ZNF596: variants seen among roughly 807,000 people sequenced by gnomAD.
The protein encoded by ZNF596 is zinc finger protein 596.
Under a neutral mutation model 48.3 loss-of-function variants are expected in ZNF596, and 45 were observed. The observed-to-expected ratio is 0.93, with a 90% CI of 0.73 to 1.19. ZNF596 has a LOEUF of 1.19. Among genes scored for constraint, ZNF596 ranks in the 50% most tolerant of loss-of-function variants. The pLI is 0.00. For missense variants in ZNF596, 848 were observed against 599.7 expected, an observed-to-expected ratio of 1.41 and a Z score of -4.32; for synonymous variants, 270 against 202.0, an observed-to-expected ratio of 1.34 and a Z score of -2.85.
chr8:243,143 G>C (rs1374984792), intron 3 of ZNF596, 130 bp downstream of exon 3: 3 of 766,430 alleles, frequency 3.9e-6, no homozygotes, highest in Admixed American at 3.3e-5. Context: ...CTTCTGCTTT[G>C]ATCCTTTCAT....
In ZNF596 at chr8:245,472, A is replaced by C. The variant is rs1232487668; in HGVS notation, c.625A>C (p.Asn209His). ...VCGKTFSKNSNLRRHEMIHTG... is the reference protein window; with the variant it reads ...VCGKTFSKNSHLRRHEMIHTG... The stretch of plus-strand genomic sequence containing the variant: ...TGGGAAAACCTTTAGCAAAAATTCT[A>C]ATCTTAGGCGACATGAGATGATTCA... The change falls in exon 6 of 6, where the codon AAT (asparagine) becomes CAT (histidine). Residue 209 changes from asparagine to histidine, a missense_variant. Asn to His is a moderately conservative substitution (Grantham distance 68, BLOSUM62 1). Coordinates refer to ENST00000398612, the MANE Select transcript of ZNF596 (RefSeq NM_001042416.3). 6.2e-7 allele frequency: 1 copy of C among 1,614,074 alleles called. No individual in the cohort carries two copies.
Position 240,851 on chromosome 8 carries a change from T to G in ZNF596, c.-45T>G. 1 of 1,613,214 alleles carries G rather than the reference T, an allele frequency of 6.2e-7. No homozygotes were observed. Among genetic ancestry groups the G allele is most frequent in the Non-Finnish European group, 8.5e-7 (1 of 1,179,218 alleles). ...TTGTCTTCTTAGTGCTTGGATGGTG[T>G]GAGTGAAAACCCAGAGGAATACATT... is the stretch of plus-strand genomic sequence containing the variant. On this transcript the variant is annotated 5_prime_UTR_variant, in exon 2 of 6. The change abolishes the stop of an existing upstream ORF in the 5' untranslated region. Coordinates refer to ENST00000398612, the MANE Select transcript of ZNF596 (RefSeq NM_001042416.3).
chr8:243,136 C>G, intron 3 of ZNF596, 123 bp downstream of exon 3: 1 of 817,592 alleles, frequency 1.2e-6, no homozygotes, highest in Non-Finnish European at 1.7e-6. Flanking sequence ...ACTTCAACTT[C>G]TGCTTTGATC....
At chr8:240,971 C>G in intron 2 of ZNF596, 64 bp downstream of exon 2, 1 of 1,588,850 alleles carries the variant, frequency 6.3e-7, no homozygotes. Flanking sequence ...AGGGCAGATT[C>G]ATCCTATTAA....
In ZNF596 at chr8:245,868, G is replaced by A. The variant is rs145555549; in HGVS notation, c.1021G>A (p.Gly341Arg). Reference sequence around the variant, plus strand: ...GAAACCATATGAATGTCATCTATGTGGAAAAGCCTTCTCTCATTGTTCTCA... The same window carrying A: ...GAAACCATATGAATGTCATCTATGTAGAAAAGCCTTCTCTCATTGTTCTCA... The part of the protein sequence containing the change: ...GEKPYECHLC[G>R]KAFSHCSHLR... Residue 341 changes from glycine (G) to arginine (R), a missense_variant, in exon 6 of 6, where the codon GGA becomes AGA. Transcript: ENST00000398612. 172 of 1,613,996 alleles carry A rather than the reference G, an allele frequency of 1.1e-4. No individual in the cohort carries two copies. In the African/African-American group the frequency reaches 2.1e-3, roughly 20 times the overall value.
chr8:237,296 A>C (rs1193831801), intron 1 of ZNF596: 1 of 152,188 alleles, frequency 6.6e-6, no homozygotes, highest in African/African-American at 2.4e-5. Flanking sequence ...TTCATTCATT[A>C]CATTATTTTA....
chr8:244,899 T>G (rs1480402556), intron 5 of ZNF596, among the ~76,000 whole-genome samples, 198 bp downstream of exon 5: 1 of 152,262 alleles, frequency 6.6e-6, no homozygotes, highest in East Asian at 1.9e-4. Context: ...CAAACTTGAC[T>G]ACGTGCTGAA....
chr8:237,070 C>G (rs1796646073), intron 1 of ZNF596: 1 of 148,910 alleles, frequency 6.7e-6, no homozygotes, highest in African/African-American at 2.5e-5. Context: ...GATTTTTGTG[C>G]TGATTAATGA....
At position 242,936 on chromosome 8, in the gene ZNF596, G is replaced by C; in HGVS notation, c.62G>C (p.Trp21Ser). The C allele has an allele frequency of 6.2e-7, 1 of 1,604,288 alleles. No individual in the cohort carries two copies. The change falls in exon 3 of 6, where the codon TGG (tryptophan) becomes TCG (serine). Residue 21 changes from tryptophan to serine, a missense_variant. By Grantham distance (177) the Trp-to-Ser change is radical (BLOSUM62 -3). Coordinates refer to ENST00000398612, the MANE Select transcript of ZNF596 (RefSeq NM_001042416.3). ...ATTGTAGACTTCACTCAAGAAGAGT[G>C]GGCCCTGCTGGACACATCCCAGAGA... ...DIIVDFTQEE[W>S]ALLDTSQRKL...
chr8:245,657 G>C lies in ZNF596; in HGVS notation c.810G>C (p.Glu270Asp), dbSNP rs192586310. 9 of 1,614,012 alleles carry C rather than the reference G, an allele frequency of 5.6e-6. No individual in the cohort carries two copies. Among genetic ancestry groups the C allele is most frequent in the Non-Finnish European group, 7.6e-6 (9 of 1,180,000 alleles). ...FSKSSNLRRH[E>D]MIHTREKAQI... The stretch of plus-strand genomic sequence containing the variant: ...AAAGTTCTAACCTTAGACGACATGA[G>C]ATGATTCACACTAGAGAAAAAGCAC... Residue 270 changes from glutamate (E) to aspartate (D), a missense_variant, in exon 6 of 6, where the codon GAG becomes GAC. Transcript: ENST00000398612.
chr8:238,010 T>G (rs560321877), intron 1 of ZNF596, among the ~76,000 whole-genome samples: 16 of 152,338 alleles, frequency 1.1e-4, no homozygotes, highest in African/African-American at 3.8e-4. Flanking sequence ...CAGGCCCACA[T>G]AAGCCATTGC....
Position 245,752 on chromosome 8 carries a change from TAGG to T in ZNF596, c.908_910del (p.Gly303del). 1.2e-6 allele frequency: 2 copies of T among 1,612,810 alleles called. No individual in the cohort carries two copies. The highest frequency in any genetic ancestry group is 1.7e-6 in the Non-Finnish European group (2 of 1,179,616). On this transcript the variant is annotated inframe_deletion, in exon 6 of 6. Transcript: ENST00000398612. ...CTTAGAAAACATGAGAGAACTCACT[TAGG>T]AGATAAACCATATGGATGTCTCCTA...
chr8:241,835 A>C (rs1028975554), intron 2 of ZNF596, among the ~76,000 whole-genome samples: 1 of 152,222 alleles, frequency 6.6e-6, no homozygotes, highest in Non-Finnish European at 1.5e-5. Flanking sequence ...AACAGGAAGC[A>C]TGACTGGGAG....
chr8:245,673 G>C lies in ZNF596; in HGVS notation c.826G>C (p.Glu276Gln), dbSNP rs751163024. 2.3e-5 allele frequency: 37 copies of C among 1,614,102 alleles called. No individual in the cohort carries two copies. The Middle Eastern group carries it at 9.9e-4, about 43-fold the overall frequency. Reference protein sequence around the residue: ...LRRHEMIHTREKAQICHLCGK... With the variant: ...LRRHEMIHTRQKAQICHLCGK... ...ACGACATGAGATGATTCACACTAGA[G>C]AAAAAGCACAGATATGCCATCTATG... Residue 276 changes from glutamate to glutamine, a missense_variant, in exon 6 of 6, where the codon GAA (glutamate) becomes CAA (glutamine). Transcript: ENST00000398612.
At chr8:241,965 A>C (rs1158151862) in intron 2 of ZNF596, among the ~76,000 whole-genome samples, 1 of 152,190 alleles carries the variant, frequency 6.6e-6, no homozygotes, top group Non-Finnish European at 1.5e-5. Context: ...CTTCTGAGAT[A>C]TTACTAGCAT....
At chr8:237,565 G>A (rs1460038567) in intron 1 of ZNF596, 2 of 151,924 alleles carry the variant, frequency 1.3e-5, no homozygotes, top group African/African-American at 4.8e-5. Flanking sequence ...CTAGTGTACT[G>A]AGACGGAAAA....
At chr8:239,825 A>G (rs1020295942) in intron 1 of ZNF596, among the ~76,000 whole-genome samples, 1 of 152,108 alleles carries the variant, frequency 6.6e-6, no homozygotes, top group Non-Finnish European at 1.5e-5. Flanking sequence ...TCCCTTTCCC[A>G]AAGGATAGGG....
chr8:239,266 G>A (rs1167269866), intron 1 of ZNF596, among the ~76,000 whole-genome samples: 2 of 152,178 alleles, frequency 1.3e-5, no homozygotes, highest in African/African-American at 2.4e-5. Context: ...TCCGCTCACT[G>A]CAACCTCCAC....
chr8:233,244 G>C (rs1796488238), intron 1 of ZNF596: 1 of 404,952 alleles, frequency 2.5e-6, no homozygotes, highest in South Asian at 1.9e-5. Context: ...GAGATATGGA[G>C]GACAGAATAC....
Sources: gnomAD v4.1 joint callset for allele counts (sites outside exome capture counted in the v4.1 genomes callset) on GRCh38, gnomAD v4.1.1 for gene constraint, MANE v1.5 for transcripts, NCBI Gene and HGNC (gene_info 2026-07-23, HGNC 2026-07-21) for gene names.